KCTD16: variants seen among roughly 807,000 people sequenced by gnomAD.
KCTD16 encodes BTB/POZ domain-containing protein KCTD16.
In KCTD16, 13 loss-of-function variants were observed where a neutral mutation model predicts 33.2. The ratio of observed to expected loss-of-function variants is 0.39; its 90% CI spans 0.25 to 0.62. KCTD16 has a LOEUF of 0.62. Among genes scored for constraint, KCTD16 ranks in the 20% least tolerant of loss-of-function variants. KCTD16 has a pLI of 0.50. For synonymous variants in KCTD16, 197 were observed against 195.3 expected, an observed-to-expected ratio of 1.01 and a Z score of -0.07; for missense variants, 441 against 525.1, an observed-to-expected ratio of 0.84 and a Z score of 1.57.
intron 3 of KCTD16, among the ~76,000 whole-genome samples, chr5:144,408,782 C>G (rs1360062408): frequency 6.6e-6 from 1 of 152,170 alleles, no homozygotes; most frequent in Non-Finnish European, 1.5e-5. Flanking sequence ...TCCCTATACT[C>G]CTGTTATTAT....
chr5:144,208,989 T>C (rs1399443307), intron 3 of KCTD16, among the ~76,000 whole-genome samples: 1 of 152,212 alleles, frequency 6.6e-6, no homozygotes, highest in Non-Finnish European at 1.5e-5. Context: ...AGAGATAAGA[T>C]TCCGGCTTTT....
chr5:144,176,403 T>C (rs914070144), intron 2 of KCTD16, among the ~76,000 whole-genome samples: 2 of 144,624 alleles, frequency 1.4e-5, no homozygotes, highest in Admixed American at 6.9e-5. Flanking sequence ...TTTTTTTTTT[T>C]TTTTTTTTTT....
Position 144,180,170 on chromosome 5 carries a change from C to T in KCTD16, c.-327+5698C>T, listed in dbSNP as rs964753915. Among the ~76,000 whole-genome samples the T allele has an allele frequency of 4.6e-5, 7 of 152,276 alleles. No individual in the cohort carries two copies. The South Asian group carries it at 1.5e-3, about 32-fold the overall frequency. ...GGTATAGTGATCTGCCAATGACTAT[C>T]CTTGCTGTCAGTGATAATGATGCTC... is the stretch of plus-strand genomic sequence containing the variant. On this transcript the variant is annotated intron_variant, in intron 2 of 3. Coordinates refer to ENST00000512467, the MANE Select transcript of KCTD16 (RefSeq NM_020768.4).
chr5:144,367,350 G>C (rs1017530806), intron 3 of KCTD16, among the ~76,000 whole-genome samples: 1 of 152,114 alleles, frequency 6.6e-6, no homozygotes, highest in Non-Finnish European at 1.5e-5. Context: ...CATGGATTTC[G>C]GAGGCTTTCT....
At chr5:144,432,051 G>T (rs1354633654) in intron 3 of KCTD16, among the ~76,000 whole-genome samples, 1 of 152,140 alleles carries the variant, frequency 6.6e-6, no homozygotes, top group Admixed American at 6.6e-5. Flanking sequence ...TGAAATAGAT[G>T]ATGTGGTACT....
chr5:144,179,639 T>C (rs1488468619), intron 2 of KCTD16, among the ~76,000 whole-genome samples: 6 of 152,224 alleles, frequency 3.9e-5, no homozygotes, highest in Admixed American at 2.0e-4. Flanking sequence ...TTGATCAATT[T>C]TACTAATAAG....
At chr5:144,268,018 A>C (rs1755193532) in intron 3 of KCTD16, among the ~76,000 whole-genome samples, 1 of 152,144 alleles carries the variant, frequency 6.6e-6, no homozygotes, top group Admixed American at 6.6e-5. Flanking sequence ...TTGATGTAAT[A>C]ATTTTGAAAC....
At position 144,477,686 on chromosome 5, in the gene KCTD16, G is replaced by A. The variant is rs1274431277; in HGVS notation, c.*3572G>A. 6.6e-6 allele frequency: 1 copy of A among 152,022 alleles called. No homozygotes were observed. Among genetic ancestry groups the A allele is most frequent in the Non-Finnish European group, 1.5e-5 (1 of 67,956 alleles). 9.4% of individuals were successfully genotyped at this position (152,022 alleles called of 1,614,324 possible). ...AAAAGGAAGGCATGTATGGTGTTTT[G>A]TAAAATTACTTGACACCAGCTCCCA... On this transcript the variant is annotated 3_prime_UTR_variant, in exon 4 of 4. Coordinates refer to ENST00000512467, the MANE Select transcript of KCTD16 (RefSeq NM_020768.4).
At chr5:144,173,954 G>A (rs1752448015) in intron 1 of KCTD16, among the ~76,000 whole-genome samples, 1 of 148,650 alleles carries the variant, frequency 6.7e-6, no homozygotes. Flanking sequence ...GCTCCAGAAA[G>A]TTATATTAAA....
rs138791088 is a variant in KCTD16 at position 144,297,996 on chromosome 5, C to T, written c.832+90450C>T. Among the ~76,000 whole-genome samples, 656 of 152,302 alleles carry T rather than the reference C, an allele frequency of 4.3e-3. 5 individuals are homozygous for T. Among genetic ancestry groups the T allele is most frequent in the African/African-American group, 0.015 (627 of 41,556 alleles). On this transcript the variant is annotated intron_variant, in intron 3 of 3. Coordinates refer to ENST00000512467, the MANE Select transcript of KCTD16 (RefSeq NM_020768.4). ...CCCTTGACTTTCATCCCTCTGGATT[C>T]GGCAGGGTGTCCGCTGTGCTCCTGA...
chr5:144,191,814 G>A (rs980077528), intron 2 of KCTD16, among the ~76,000 whole-genome samples: 2 of 77,094 alleles, frequency 2.6e-5, no homozygotes, highest in South Asian at 5.6e-4. Context: ...ATGGAGCTGC[G>A]TATTTCCATT....
At chr5:144,458,590 CA>C (rs1436172864) in intron 3 of KCTD16, among the ~76,000 whole-genome samples, 1 of 152,192 alleles carries the variant, frequency 6.6e-6, no homozygotes, top group African/African-American at 2.4e-5. Flanking sequence ...TAGGGGAACT[CA>C]GTTTACTATT....
chr5:144,421,747 G>A (rs112524808), intron 3 of KCTD16, among the ~76,000 whole-genome samples: 1 of 152,064 alleles, frequency 6.6e-6, no homozygotes, highest in Non-Finnish European at 1.5e-5. Flanking sequence ...TTGATTGTAG[G>A]AACAATGATA....
chr5:144,398,959 G>C (rs979295710), intron 3 of KCTD16, among the ~76,000 whole-genome samples: 2 of 152,098 alleles, frequency 1.3e-5, no homozygotes, highest in African/African-American at 4.8e-5. Flanking sequence ...GGGATTCTCA[G>C]TTGGTTCCTG....
intron 3 of KCTD16, among the ~76,000 whole-genome samples, chr5:144,281,447 G>T (rs1178965119): frequency 1.3e-5 from 2 of 151,904 alleles, no homozygotes; most frequent in African/African-American, 2.4e-5. Flanking sequence ...TTTTTCTTTG[G>T]CTCATGAACT....
intron 3 of KCTD16, among the ~76,000 whole-genome samples, chr5:144,458,965 A>G (rs940151034): frequency 1.3e-5 from 2 of 152,194 alleles, no homozygotes; most frequent in Non-Finnish European, 2.9e-5. Context: ...TTTACAAACA[A>G]TGTAATGATT....
At chr5:144,217,270 C>T (rs1300781733) in intron 3 of KCTD16, among the ~76,000 whole-genome samples, 2 of 152,196 alleles carry the variant, frequency 1.3e-5, no homozygotes, top group Non-Finnish European at 2.9e-5. Flanking sequence ...CCAAATTACA[C>T]AGTAATTCAA....
At chr5:144,396,231 A>G (rs1022288758) in intron 3 of KCTD16, among the ~76,000 whole-genome samples, 4 of 152,148 alleles carry the variant, frequency 2.6e-5, no homozygotes, top group Admixed American at 2.6e-4. Context: ...TTTAAGGAGA[A>G]GAGGCGGCCA....
chr5:144,235,741 T>G (rs1754233463), intron 3 of KCTD16, among the ~76,000 whole-genome samples: 1 of 152,112 alleles, frequency 6.6e-6, no homozygotes. Context: ...CTCTATATCT[T>G]GTCAAACTTC....
Sources: allele counts gnomAD v4.1 joint callset (sites outside exome capture counted in the v4.1 genomes callset), GRCh38; gene constraint gnomAD v4.1.1; transcripts MANE v1.5; gene names NCBI Gene and HGNC (gene_info 2026-07-23, HGNC 2026-07-21).